The following KIF5A variants were observed in gnomAD, a reference collection of about 807,000 sequenced individuals.
The protein encoded by KIF5A is kinesin family member 5A.
A neutral mutation model predicts 141.3 loss-of-function variants in KIF5A; 35 were observed. The observed-to-expected ratio is 0.25, with a 90% CI of 0.19 to 0.33. The LOEUF (loss-of-function observed/expected upper bound fraction) is 0.33. KIF5A is among the 10% of genes least tolerant of loss of function. The pLI, the probability that KIF5A is intolerant of heterozygous loss-of-function variation, is 1.00. For synonymous variants in KIF5A, 448 were observed against 500.2 expected (o/e 0.90, Z 1.39); for missense variants, 861 against 1,314.3 (o/e 0.66, Z 5.33).
At position 57,550,511 on chromosome 12, in the gene KIF5A, A is replaced by C; in HGVS notation, c.129+111A>C. ...CCTTTGCTCCCCCTCCCCGCCGCTCATCCTTCATCCTCTTCCCCGCAGCCC... is the reference window on the plus strand; with the variant it reads ...CCTTTGCTCCCCCTCCCCGCCGCTCCTCCTTCATCCTCTTCCCCGCAGCCC... On this transcript the variant is annotated intron_variant, in intron 1 of 28. Coordinates refer to ENST00000455537, the MANE Select transcript of KIF5A (RefSeq NM_004984.4). The surrounding 1 kb of genome is among the most constrained non-coding windows in gnomAD (Gnocchi z 4.6). The C allele has an allele frequency of 2.6e-6, 3 of 1,139,094 alleles. No individual in the cohort carries two copies. Among genetic ancestry groups the C allele is most frequent in the Non-Finnish European group, 3.8e-6 (3 of 786,658 alleles). The allele number at this position is 1,139,094 out of a possible 1,614,324, so 70.6% of individuals were successfully genotyped here.
chr12:57,572,408 C>G lies in KIF5A; in HGVS notation c.1569+141C>G. 1 of 1,238,034 alleles carries G rather than the reference C, an allele frequency of 8.1e-7. No homozygotes were observed. The highest frequency in any genetic ancestry group is 1.2e-6 in the Non-Finnish European group (1 of 865,048). The allele number at this position is 1,238,034 out of a possible 1,614,324, so 76.7% of individuals were successfully genotyped here. On this transcript the variant is annotated intron_variant, in intron 14 of 28. Coordinates refer to ENST00000455537, the MANE Select transcript of KIF5A (RefSeq NM_004984.4). The surrounding 1 kb of genome is among the most constrained non-coding windows in gnomAD (Gnocchi z 4.2). ...AGTGCATTGTGAGTCCCTCCCCAACCCTGTCACTGCACTTTCCCCTCACAG... is the reference window on the plus strand; with the variant it reads ...AGTGCATTGTGAGTCCCTCCCCAACGCTGTCACTGCACTTTCCCCTCACAG...
Position 57,575,221 on chromosome 12 carries a change from G to A in KIF5A, c.1854G>A (p.Lys618=), listed in dbSNP as rs1240118720. The stretch of plus-strand genomic sequence containing the variant: ...ACCTCCAGGTGGAGTGTCACCGCAA[G>A]ATGGAAGTGACCGGGCGGGAGCTCT... ...LENLQVECHR[K]MEVTGRELSS... The change falls in exon 16 of 29, where the codon AAG becomes AAA. Residue 618 remains lysine (K), a synonymous_variant. Transcript: ENST00000455537. The A allele has an allele frequency of 6.2e-7, 1 of 1,613,966 alleles. No individual in the cohort carries two copies. The highest frequency in any genetic ancestry group is 8.5e-7 in the Non-Finnish European group (1 of 1,179,940).
chr12:57,583,329 T>C (rs1373701110), intron 28 of KIF5A, 114 bp downstream of exon 28: 43 of 676,528 alleles, frequency 6.4e-5, no homozygotes, highest in Non-Finnish European at 1.0e-4. Flanking sequence ...AAAACTTTAA[T>C]TATGTAGTTA....
In KIF5A at chr12:57,572,313, T is replaced by C. The variant is rs371516715; in HGVS notation, c.1569+46T>C. 8 of 1,539,364 alleles carry C rather than the reference T, an allele frequency of 5.2e-6. No individual in the cohort carries two copies. In the Admixed American group the frequency reaches 9.8e-5, roughly 19 times the overall value. ...CCAACAGCTCCCTGACCACAGAACA[T>C]CTCCCATGTCGAGGGGACCTCTGCA... On this transcript the variant is annotated intron_variant, in intron 14 of 28. Transcript: ENST00000455537. The surrounding 1 kb of genome is among the most constrained non-coding windows in gnomAD (Gnocchi z 4.2).
rs1488871976 is a variant in KIF5A, at chr12:57,567,196, G to A, written c.572G>A (p.Arg191His). 3 of 1,612,562 alleles carry A rather than the reference G, an allele frequency of 1.9e-6. No homozygotes were observed. Among genetic ancestry groups the A allele is most frequent in the Non-Finnish European group, 1.7e-6 (2 of 1,178,864 alleles). The change falls in exon 7 of 29, where the codon CGT becomes CAT. Residue 191 changes from arginine to histidine, a missense_variant. Physicochemically the swap from Arg to His is conservative, Grantham distance 29. Coordinates refer to ENST00000455537, the MANE Select transcript of KIF5A (RefSeq NM_004984.4). ...LDVIDEGKSNRHVAVTNMNEH... is the reference protein window; with the variant it reads ...LDVIDEGKSNHHVAVTNMNEH... Reference sequence around the variant, plus strand: ...GTGATTGATGAAGGGAAATCAAATCGTCATGTGGCTGTCACCAGTGAGTGA... The same window carrying A: ...GTGATTGATGAAGGGAAATCAAATCATCATGTGGCTGTCACCAGTGAGTGA...
chr12:57,576,660 A>G (rs984269425), intron 19 of KIF5A, 101 bp from the exon 20 acceptor site: 15 of 869,206 alleles, frequency 1.7e-5, no homozygotes, highest in Admixed American at 1.2e-4. Flanking sequence ...TTCTAACTGG[A>G]CTCACTCGTT....
chr12:57,550,158 C>G lies in KIF5A; in HGVS notation c.-114C>G. On this transcript the variant is annotated 5_prime_UTR_variant, in exon 1 of 29. Coordinates refer to ENST00000455537, the MANE Select transcript of KIF5A (RefSeq NM_004984.4). The surrounding 1 kb of genome is among the most constrained non-coding windows in gnomAD (Gnocchi z 4.6). ...TCGCCCGGGCGCCCTCAACTCTGTC[C>G]CCAGAGACTGAGCACCTGTCCTCCG... is the stretch of plus-strand genomic sequence containing the variant. The G allele has an allele frequency of 6.8e-7, 1 of 1,477,608 alleles. No homozygotes were observed. The highest frequency in any genetic ancestry group is 9.4e-7 in the Non-Finnish European group (1 of 1,067,832). 91.5% of individuals were successfully genotyped at this position (1,477,608 alleles called of 1,614,324 possible). A position where few individuals can be genotyped will look rare whatever the true frequency, so the allele number is the denominator to read the frequency against.
chr12:57,570,124 G>A lies in KIF5A; in HGVS notation c.1255G>A (p.Glu419Lys), dbSNP rs755243063. The A allele has an allele frequency of 6.2e-7, 1 of 1,614,000 alleles. No homozygotes were observed. ...GCCCGAGGAGCGGCAGAAATACGAG[G>A]AGGAGATCCGCCGTCTCTATAAGCA... is the stretch of plus-strand genomic sequence containing the variant. ...IAPEERQKYE[E>K]EIRRLYKQLD... Residue 419 changes from glutamate to lysine, a missense_variant, in exon 12 of 29, where the codon GAG (glutamate) becomes AAG (lysine). Glu to Lys is a moderately conservative substitution (Grantham distance 56, BLOSUM62 1). This residue lies in a region of KIF5A where 167 missense variants were observed against 192.0 expected (regional missense o/e 0.87). Transcript: ENST00000455537.
At chr12:57,564,690 C>A (rs550768372) in intron 5 of KIF5A, among the ~76,000 whole-genome samples, 182 bp downstream of exon 5, 2 of 152,266 alleles carry the variant, frequency 1.3e-5, no homozygotes, top group Admixed American at 6.5e-5. Flanking sequence ...AGCTTAGCAG[C>A]CAAGGACTAC....
chr12:57,569,616 G>A lies in KIF5A; in HGVS notation c.1050G>A (p.Lys350=). Residue 350 remains lysine, a synonymous_variant, in exon 11 of 29, where the codon AAG becomes AAA. Coordinates refer to ENST00000455537, the MANE Select transcript of KIF5A (RefSeq NM_004984.4). Reference sequence around the variant, plus strand: ...GGAAGAAGAAATATGAGAAGGAGAAGGAGAAGACAAAGGCCCAGAAGGAGA... The same window carrying A: ...GGAAGAAGAAATATGAGAAGGAGAAAGAGAAGACAAAGGCCCAGAAGGAGA... ...EQWKKKYEKE[K]EKTKAQKETI... is the part of the protein sequence containing the mutation. 1 of 1,614,168 alleles carries A rather than the reference G, an allele frequency of 6.2e-7. No homozygotes were observed. Among genetic ancestry groups the A allele is most frequent in the Non-Finnish European group, 8.5e-7 (1 of 1,180,040 alleles).
At chr12:57,551,005 C>T (rs558072787) in intron 1 of KIF5A, among the ~76,000 whole-genome samples, 1 of 151,972 alleles carries the variant, frequency 6.6e-6, no homozygotes, top group African/African-American at 2.4e-5. Context: ...TTGGGGGGAG[C>T]CTCTGGAATC....
intron 17 of KIF5A, 132 bp from the exon 18 acceptor site, chr12:57,575,955 T>C: frequency 1.0e-6 from 1 of 968,394 alleles, no homozygotes; most frequent in East Asian, 2.4e-5. Flanking sequence ...CTATATCAAA[T>C]TGGACAGTCC....
At chr12:57,576,920 T>C (rs1882445757) in intron 20 of KIF5A, 58 bp downstream of exon 20, 2 of 1,271,442 alleles carry the variant, frequency 1.6e-6, no homozygotes, top group African/African-American at 1.5e-5. Context: ...AACTGTGAAC[T>C]CAGACACGCT....
In KIF5A at chr12:57,571,384, G is replaced by A; in HGVS notation, c.1357G>A (p.Glu453Lys). ...GCTCAAGCAGCAAATGCTGGACCAG[G>A]AAGAGGTAATAGGAGGGAGGGCAGG... is the stretch of plus-strand genomic sequence containing the variant. ...EKLKQQMLDQEELLVSTRGDN... is the reference protein window; with the variant it reads ...EKLKQQMLDQKELLVSTRGDN... The change falls in exon 13 of 29, where the codon GAA becomes AAA. Residue 453 changes from glutamate (E) to lysine (K), a missense_variant. This residue lies in a region of KIF5A where 167 missense variants were observed against 192.0 expected (regional missense o/e 0.87). Coordinates refer to ENST00000455537, the MANE Select transcript of KIF5A (RefSeq NM_004984.4). 6.2e-7 allele frequency: 1 copy of A among 1,613,850 alleles called. No homozygotes were observed. The highest frequency in any genetic ancestry group is 8.5e-7 in the Non-Finnish European group (1 of 1,179,876).
chr12:57,570,690 A>G (rs1882226134), intron 12 of KIF5A, among the ~76,000 whole-genome samples: 1 of 152,096 alleles, frequency 6.6e-6, no homozygotes, highest in Admixed American at 6.5e-5. Context: ...CGGCCTGTAT[A>G]TGTAATTATA....
At position 57,581,109 on chromosome 12, in the gene KIF5A, G is replaced by A; in HGVS notation, c.2692G>A (p.Asp898Asn). 1 of 1,614,170 alleles carries A rather than the reference G, an allele frequency of 6.2e-7. No homozygotes were observed. The highest frequency in any genetic ancestry group is 8.5e-7 in the Non-Finnish European group (1 of 1,180,028). Residue 898 changes from aspartate to asparagine, a missense_variant, in exon 24 of 29, where the codon GAC becomes AAC. Asp to Asn is a conservative substitution (Grantham distance 23). This residue lies in a region of KIF5A where 482 missense variants were observed against 661.3 expected (regional missense o/e 0.73). Transcript: ENST00000455537. Reference sequence around the variant, plus strand: ...CAAGCGCCGGTACCAGCAGGAGGTGGACCGCATCAAGGAGGCCGTTCGCTA... The same window carrying A: ...CAAGCGCCGGTACCAGCAGGAGGTGAACCGCATCAAGGAGGCCGTTCGCTA... ...KDKRRYQQEV[D>N]RIKEAVRYKS...
At chr12:57,558,889 C>T (rs1881824941) in intron 1 of KIF5A, among the ~76,000 whole-genome samples, 1 of 152,144 alleles carries the variant, frequency 6.6e-6, no homozygotes, top group Non-Finnish European at 1.5e-5. Flanking sequence ...CATCATCCTG[C>T]CTCAGCCTGC....
Position 57,572,375 on chromosome 12 carries a change from T to G in KIF5A, c.1569+108T>G. 7.8e-6 allele frequency: 10 copies of G among 1,276,784 alleles called. No homozygotes were observed. The highest frequency in any genetic ancestry group is 1.0e-5 in the Non-Finnish European group (9 of 898,634). 79.1% of individuals were successfully genotyped at this position (1,276,784 alleles called of 1,614,324 possible). A position where few individuals can be genotyped will look rare whatever the true frequency, so the allele number is the denominator to read the frequency against. Reference sequence around the variant, plus strand: ...CTGTATGGTGGCTGCACCTCTGCACTGCTGTTCAGTGCATTGTGAGTCCCT... The same window carrying G: ...CTGTATGGTGGCTGCACCTCTGCACGGCTGTTCAGTGCATTGTGAGTCCCT... On this transcript the variant is annotated intron_variant, in intron 14 of 28. Transcript: ENST00000455537. This position sits in a 1 kb window ranked among gnomAD's most constrained non-coding sequence, Gnocchi z 4.2.
chr12:57,568,599 C>A (rs1882143780), intron 8 of KIF5A, among the ~76,000 whole-genome samples: 1 of 152,130 alleles, frequency 6.6e-6, no homozygotes, highest in Non-Finnish European at 1.5e-5. Context: ...GTGGCACATG[C>A]CTGTAATCCC....
Sources: allele counts gnomAD v4.1 joint callset (sites outside exome capture counted in the v4.1 genomes callset), GRCh38; gene constraint gnomAD v4.1.1; regional missense constraint gnomAD v4.1.1; non-coding constraint Gnocchi (gnomAD v3.1); transcripts MANE v1.5; gene names NCBI Gene and HGNC (gene_info 2026-07-23, HGNC 2026-07-21).